PECAM1: variants seen among roughly 807,000 people sequenced by gnomAD.
PECAM1 encodes platelet endothelial cell adhesion molecule.
PECAM1 carries 8 observed loss-of-function variants against 13.8 expected under a neutral mutation model. The observed-to-expected ratio is 0.58, with a 90% CI of 0.34 to 1.05. The LOEUF is 1.05. Among genes scored for constraint, PECAM1 ranks in the 50% least tolerant of loss-of-function variants. The probability of loss-of-function intolerance (pLI) is 0.03; values close to 1 mark genes in which losing one functional copy is unlikely to be tolerated. For synonymous variants in PECAM1, 136 were observed against 52.6 expected (o/e 2.58, Z -6.86); for missense variants, 304 against 141.2 (o/e 2.15, Z -5.84).
rs2034788435 is a variant in PECAM1, at chr17:64,319,927, T to C, written c.*3889A>G. ...TTACAGAGACAGTTTAACAACCACCTGACCATCACCTGATGGTAGCCTGAC... is the reference window on the plus strand; with the variant it reads ...TTACAGAGACAGTTTAACAACCACCCGACCATCACCTGATGGTAGCCTGAC... On this transcript the variant is annotated 3_prime_UTR_variant, in exon 16 of 16. Transcript: ENST00000563924. The C allele has an allele frequency of 6.6e-6, 1 of 152,178 alleles. No individual in the cohort carries two copies. Among genetic ancestry groups the C allele is most frequent in the Non-Finnish European group, 1.5e-5 (1 of 68,042 alleles). 9.4% of individuals were successfully genotyped at this position (152,178 alleles called of 1,614,324 possible).
intron 7 of PECAM1, among the ~76,000 whole-genome samples, chr17:64,359,046 C>T (rs1238478942): frequency 6.6e-6 from 1 of 152,124 alleles, no homozygotes; most frequent in Non-Finnish European, 1.5e-5. Context: ...GATCCGCCCA[C>T]CTCAGCTTCC....
intron 2 of PECAM1, among the ~76,000 whole-genome samples, chr17:64,383,073 C>T (rs374040517): frequency 0.036 from 5,498 of 152,172 alleles, 134 homozygotes; most frequent in Non-Finnish European, 0.054. Context: ...GCATATTAAA[C>T]ATTTTCAGGT....
chr17:64,381,522 T>G (rs1381992957), intron 2 of PECAM1, among the ~76,000 whole-genome samples: 4 of 152,208 alleles, frequency 2.6e-5, no homozygotes, highest in African/African-American at 4.8e-5. Context: ...CCTTTCCCTC[T>G]CTTTTAACAA....
At position 64,352,436 on chromosome 17, in the gene PECAM1, G is replaced by A. The variant is rs2035747191; in HGVS notation, c.1944C>T (p.Asn648=). 2.1e-6 allele frequency: 1 copy of A among 475,054 alleles called. No individual in the cohort carries two copies. Among genetic ancestry groups the A allele is most frequent in the Non-Finnish European group, 3.9e-6 (1 of 258,990 alleles). The allele number at this position is 475,054 out of a possible 1,614,324, so 29.4% of individuals were successfully genotyped here. A position where few individuals can be genotyped will look rare whatever the true frequency, so the allele number is the denominator to read the frequency against. The change falls in exon 11 of 16, where the codon AAC becomes AAT. Residue 648 remains asparagine (N), a synonymous_variant. Transcript: ENST00000563924. ...TATTGGGATCTGACATTTTCTCGTT[G>A]TTGGAGTTCAGAAGTGGTACTGCTG... is the stretch of plus-strand genomic sequence containing the variant. ...SRPAVPLLNS[N]NEKMSDPNME... is the part of the protein sequence containing the mutation.
intron 13 of PECAM1, among the ~76,000 whole-genome samples, chr17:64,344,092 G>T (rs1279215846): frequency 1.3e-5 from 2 of 152,162 alleles, no homozygotes; most frequent in Admixed American, 1.3e-4. Flanking sequence ...GCATGGTGGG[G>T]TGGTCACGGC....
chr17:64,362,897 G>A lies in PECAM1; in HGVS notation c.1216+252C>T, dbSNP rs954678944. Among the ~76,000 whole-genome samples, 122 of 151,998 alleles carry A rather than the reference G, an allele frequency of 8.0e-4. 1 individual carries two copies. The highest frequency in any genetic ancestry group is 4.1e-3 in the Admixed American group (63 of 15,254). The stretch of plus-strand genomic sequence containing the variant: ...AGTAGTGTTTCCTTCCTGAACTTTT[G>A]GGTGGGTACTTGCTCCAGGAGGCAG... On this transcript the variant is annotated intron_variant, in intron 6 of 15. Coordinates refer to ENST00000563924, the MANE Select transcript of PECAM1 (RefSeq NM_000442.5).
At chr17:64,337,633 C>T (rs1174345707) in intron 14 of PECAM1, among the ~76,000 whole-genome samples, 1 of 149,786 alleles carries the variant, frequency 6.7e-6, no homozygotes, top group Admixed American at 6.6e-5. Flanking sequence ...CTGTGCTCTA[C>T]ACCGCCTCAA....
chr17:64,349,587 C>CAAAAA lies in PECAM1; in HGVS notation c.2044+788_2044+792dup, dbSNP rs72236584. On this transcript the variant is annotated intron_variant, in intron 12 of 15. Coordinates refer to ENST00000563924, the MANE Select transcript of PECAM1 (RefSeq NM_000442.5). ...TGGGTGACAGAGTAAGACTCTGTAT[C>CAAAAA]AAAAAAAAAAAAAAAAGAGCCAGGC... is the stretch of plus-strand genomic sequence containing the variant. Among the ~76,000 whole-genome samples the CAAAAA allele has an allele frequency of 6.2e-5, 4 of 64,152 alleles. 1 individual carries two copies. Among genetic ancestry groups the CAAAAA allele is most frequent in the Non-Finnish European group, 9.1e-5 (3 of 32,822 alleles). The allele number at this position is 64,152 out of a possible 152,430, so 42.1% of individuals were successfully genotyped here.
intron 2 of PECAM1, chr17:64,390,115 T>C: frequency 4.3e-6 from 1 of 232,154 alleles, no homozygotes; most frequent in Non-Finnish European, 8.2e-6. Flanking sequence ...TTTAAAAAAG[T>C]AATGGCAAAA....
chr17:64,348,434 G>C (rs2035635928), intron 12 of PECAM1, 112 bp from the exon 13 acceptor site: 4 of 358,908 alleles, frequency 1.1e-5, no homozygotes, highest in African/African-American at 9.2e-5. Context: ...TTGAGACAGA[G>C]TCTCACTCTT....
intron 14 of PECAM1, among the ~76,000 whole-genome samples, 191 bp downstream of exon 14, chr17:64,341,443 A>G (rs1317918674): frequency 6.6e-6 from 1 of 152,156 alleles, no homozygotes; most frequent in Non-Finnish European, 1.5e-5. Context: ...CGTTGACTAC[A>G]TGAATAGTAA....
chr17:64,390,484 C>T lies in PECAM1; in HGVS notation c.91+5G>A. ...CATCTGTTACAGTGGAAACATCAGA[C>T]TTACAGTTTTCTTGACCCTCAAGGC... is the stretch of plus-strand genomic sequence containing the variant. On this transcript the variant is annotated splice_donor_5th_base_variant and intron_variant, in intron 2 of 15. Coordinates refer to ENST00000563924, the MANE Select transcript of PECAM1 (RefSeq NM_000442.5). 2.1e-6 allele frequency: 1 copy of T among 473,768 alleles called. No homozygotes were observed. The highest frequency in any genetic ancestry group is 3.9e-6 in the Non-Finnish European group (1 of 258,274). 29.3% of individuals were successfully genotyped at this position (473,768 alleles called of 1,614,324 possible). A position where few individuals can be genotyped will look rare whatever the true frequency, so the allele number is the denominator to read the frequency against.
At chr17:64,358,783 A>C (rs2035905258) in intron 7 of PECAM1, among the ~76,000 whole-genome samples, 1 of 151,720 alleles carries the variant, frequency 6.6e-6, no homozygotes, top group African/African-American at 2.4e-5. Context: ...TTAGGTGCTT[A>C]GTCTATGTTA....
At chr17:64,383,012 C>G (rs1240346971) in intron 2 of PECAM1, among the ~76,000 whole-genome samples, 1 of 152,074 alleles carries the variant, frequency 6.6e-6, no homozygotes, top group East Asian at 1.9e-4. Flanking sequence ...TGCACTCCAG[C>G]CTGGGCAACA....
intron 13 of PECAM1, among the ~76,000 whole-genome samples, chr17:64,342,917 G>C (rs1248050611): frequency 6.6e-6 from 1 of 151,784 alleles, no homozygotes; most frequent in Non-Finnish European, 1.5e-5. Flanking sequence ...CACACTGTAT[G>C]TACAAACATG....
Position 64,323,886 on chromosome 17 carries a change from T to C in PECAM1, c.2188-41A>G, listed in dbSNP as rs370379373. 4 of 791,748 alleles carry C rather than the reference T, an allele frequency of 5.1e-6. No individual in the cohort carries two copies. In the African/African-American group the frequency reaches 6.7e-5, roughly 13 times the overall value. The allele number at this position is 791,748 out of a possible 1,614,324, so 49.0% of individuals were successfully genotyped here. A position where few individuals can be genotyped will look rare whatever the true frequency, so the allele number is the denominator to read the frequency against. On this transcript the variant is annotated intron_variant, in intron 15 of 15. Transcript: ENST00000563924. ...ACAAGGCAAGTTATGATCACACCTCTCAAGATTGAAGATTGCCCTGGTGGA... is the reference window on the plus strand; with the variant it reads ...ACAAGGCAAGTTATGATCACACCTCCCAAGATTGAAGATTGCCCTGGTGGA...
intron 7 of PECAM1, among the ~76,000 whole-genome samples, chr17:64,357,804 T>C (rs1286910259): frequency 1.3e-5 from 2 of 152,204 alleles, no homozygotes; most frequent in African/African-American, 2.4e-5. Flanking sequence ...GAGCTACTGA[T>C]ATCGACCCAG....
chr17:64,341,715 T>G (rs2143733194), intron 13 of PECAM1, 25 bp from the exon 14 acceptor site: 1 of 425,888 alleles, frequency 2.3e-6, no homozygotes, highest in East Asian at 3.4e-5. Context: ...AGGCATAAGT[T>G]AGTAGCTGCC....
In PECAM1 at chr17:64,342,054, G is replaced by T. The variant is rs2035445036; in HGVS notation, c.2108-364C>A. On this transcript the variant is annotated intron_variant, in intron 13 of 15. Coordinates refer to ENST00000563924, the MANE Select transcript of PECAM1 (RefSeq NM_000442.5). ...TGATCCCAGTTACTCGAGAGCTAAG[G>T]GACGAGAATCGCTTGAACCCAGGAT... Among the ~76,000 whole-genome samples, 5 of 151,920 alleles carry T rather than the reference G, an allele frequency of 3.3e-5. 1 individual carries two copies. In the South Asian group the frequency reaches 1.0e-3, roughly 32 times the overall value.
Sources: allele counts gnomAD v4.1 joint callset (sites outside exome capture counted in the v4.1 genomes callset), GRCh38; gene constraint gnomAD v4.1.1; transcripts MANE v1.5; gene names NCBI Gene and HGNC (gene_info 2026-07-23, HGNC 2026-07-21).